Variants in FAT3 observed in about 807,000 individuals in gnomAD.
The protein encoded by FAT3 is protocadherin Fat 3.
FAT3 carries 95 observed loss-of-function variants against 310.2 expected under a neutral mutation model. The ratio of observed to expected loss-of-function variants is 0.31; its 90% CI spans 0.26 to 0.36. The LOEUF (loss-of-function observed/expected upper bound fraction) is 0.36. Ranked by LOEUF, FAT3 falls within the 10% of genes least tolerant of loss-of-function variation. The pLI is 1.00. For missense variants in FAT3, 5,408 were observed against 5,715.6 expected (o/e 0.95, Z 1.74); for synonymous variants, 2,314 against 2,192.9 (o/e 1.06, Z -1.54).
In FAT3 at chr11:92,799,513, C is replaced by A; in HGVS notation, c.6500C>A (p.Ser2167Tyr). 6.2e-7 allele frequency: 1 copy of A among 1,613,720 alleles called. No individual in the cohort carries two copies. Among genetic ancestry groups the A allele is most frequent in the Non-Finnish European group, 8.5e-7 (1 of 1,179,806 alleles). Reference sequence around the variant, plus strand: ...CTAGCCAAGGATGGCGGAAAACCTTCTTTGTCTACATCTGTGGAGCTTCCC... The same window carrying A: ...CTAGCCAAGGATGGCGGAAAACCTTATTTGTCTACATCTGTGGAGCTTCCC... ...TILAKDGGKP[S>Y]LSTSVELPIT... is the part of the protein sequence containing the mutation. Residue 2167 changes from serine to tyrosine, a missense_variant, in exon 10 of 28, where the codon TCT becomes TAT. This residue lies in a region of FAT3 where 4,588 missense variants were observed against 4,809.8 expected (regional missense o/e 0.95). Coordinates refer to ENST00000525166, the MANE Select transcript of FAT3 (RefSeq NM_001367949.2).
intron 3 of FAT3, among the ~76,000 whole-genome samples, chr11:92,663,016 G>C (rs921401239): frequency 2.0e-5 from 3 of 152,192 alleles, no homozygotes; most frequent in African/African-American, 7.2e-5. Flanking sequence ...TAGGAAGACT[G>C]TGATGGGGTA....
chr11:92,620,999 G>A (rs2135667627), intron 3 of FAT3, among the ~76,000 whole-genome samples: 1 of 152,228 alleles, frequency 6.6e-6, no homozygotes, highest in Non-Finnish European at 1.5e-5. Flanking sequence ...ATCCCATCAT[G>A]CAGGCTCCAC....
intron 10 of FAT3, 50 bp from the exon 11 acceptor site, chr11:92,805,103 A>G (rs1947466381): frequency 6.3e-7 from 1 of 1,575,974 alleles, no homozygotes; most frequent in Non-Finnish European, 8.6e-7. Context: ...ATGTAGATTA[A>G]GACATTTCAT....
intron 1 of FAT3, among the ~76,000 whole-genome samples, chr11:92,321,707 T>A (rs1023131414): frequency 1.3e-5 from 2 of 152,302 alleles, no homozygotes; most frequent in South Asian, 4.1e-4. Context: ...CCTGACTTTG[T>A]GGTTTTGTGT....
Position 92,801,116 on chromosome 11 carries a change from T to C in FAT3, c.8103T>C (p.Pro2701=), listed in dbSNP as rs767572662. ...CTGTCTATATCCACGTCTTGCCCCC[T>C]GAAACGTTCTTGCCATCATTCACCC... ...LIPVYIHVLP[P]ETFLPSFTQS... The change falls in exon 10 of 28, where the codon CCT becomes CCC. Residue 2701 remains proline (P), a synonymous_variant. Coordinates refer to ENST00000525166, the MANE Select transcript of FAT3 (RefSeq NM_001367949.2). 3 of 1,613,994 alleles carry C rather than the reference T, an allele frequency of 1.9e-6. 1 individual carries two copies. In the Admixed American group the frequency reaches 5.0e-5, roughly 27 times the overall value.
At chr11:92,249,404 T>C (rs1355975575) in intron 1 of FAT3, among the ~76,000 whole-genome samples, 1 of 152,166 alleles carries the variant, frequency 6.6e-6, no homozygotes, top group Non-Finnish European at 1.5e-5. Flanking sequence ...TTTATCAGAA[T>C]TGGAGGTCTT....
intron 8 of FAT3, among the ~76,000 whole-genome samples, chr11:92,791,197 C>T (rs1947032108): frequency 6.6e-6 from 1 of 152,126 alleles, no homozygotes; most frequent in Non-Finnish European, 1.5e-5. Context: ...ATCACTATGG[C>T]CCTTCATTCA....
chr11:92,516,096 C>T (rs938188978), intron 2 of FAT3, among the ~76,000 whole-genome samples: 1 of 152,062 alleles, frequency 6.6e-6, no homozygotes, highest in African/African-American at 2.4e-5. Context: ...TGAAATTATT[C>T]CAAACAATAG....
At chr11:92,377,874 A>G (rs980257543) in intron 2 of FAT3, among the ~76,000 whole-genome samples, 2 of 152,180 alleles carry the variant, frequency 1.3e-5, no homozygotes, top group Admixed American at 6.6e-5. Flanking sequence ...TAGATGAGGA[A>G]GACACGTTTT....
chr11:92,343,481 A>G (rs1393747900), intron 1 of FAT3, among the ~76,000 whole-genome samples: 1 of 152,140 alleles, frequency 6.6e-6, no homozygotes, highest in Non-Finnish European at 1.5e-5. Context: ...TTGGTTTTGT[A>G]TTTCAGGATA....
At chr11:92,273,238 G>A (rs1196677464) in intron 1 of FAT3, among the ~76,000 whole-genome samples, 1 of 151,966 alleles carries the variant, frequency 6.6e-6, no homozygotes. Flanking sequence ...TCTGTTTCTG[G>A]GGAACTTGTA....
chr11:92,239,615 A>C (rs1019794697), intron 1 of FAT3, among the ~76,000 whole-genome samples: 2 of 151,914 alleles, frequency 1.3e-5, no homozygotes, highest in African/African-American at 4.8e-5. Context: ...ATGTCATGTT[A>C]CTCCTGGGAA....
At chr11:92,515,196 A>G (rs546498487) in intron 2 of FAT3, among the ~76,000 whole-genome samples, 2 of 152,270 alleles carry the variant, frequency 1.3e-5, no homozygotes, top group South Asian at 4.1e-4. Context: ...GAACAGATAG[A>G]TGGAAGGAGA....
chr11:92,237,896 G>C (rs952031263), intron 1 of FAT3, among the ~76,000 whole-genome samples: 2 of 152,174 alleles, frequency 1.3e-5, no homozygotes, highest in Non-Finnish European at 2.9e-5. Flanking sequence ...TGGGAATGTG[G>C]TGTGGGGAAA....
At chr11:92,884,026 G>A (rs983020657) in intron 24 of FAT3, among the ~76,000 whole-genome samples, 3 of 152,122 alleles carry the variant, frequency 2.0e-5, no homozygotes, top group African/African-American at 7.2e-5. Context: ...CATGAAACAA[G>A]AGGGGGATCC....
rs374021850 is a variant in FAT3 at position 92,315,512 on chromosome 11, TAGAGAGAGAGAG to T, written c.-17-36552_-17-36541del. Among the ~76,000 whole-genome samples, 65 of 56,170 alleles carry T rather than the reference TAGAGAGAGAGAG, an allele frequency of 1.2e-3. 1 individual carries two copies. Among genetic ancestry groups the T allele is most frequent in the South Asian group, 1.9e-3 (2 of 1,030 alleles). The allele number at this position is 56,170 out of a possible 152,430, so 36.8% of individuals were successfully genotyped here. A position where few individuals can be genotyped will look rare whatever the true frequency, so the allele number is the denominator to read the frequency against. On this transcript the variant is annotated intron_variant, in intron 1 of 27. Transcript: ENST00000525166. ...ATATATATATATATATATATATATA[TAGAGAGAGAGAG>T]AGAGAGAGAGAGAGAGAGAGAGAGA...
chr11:92,361,681 T>A (rs77977936), intron 2 of FAT3, among the ~76,000 whole-genome samples: 9 of 152,132 alleles, frequency 5.9e-5, no homozygotes, highest in Admixed American at 3.3e-4. Context: ...TTTTTTTTTT[T>A]ATAGCAACTT....
chr11:92,367,678 T>C (rs770473089), intron 2 of FAT3, among the ~76,000 whole-genome samples: 7 of 152,074 alleles, frequency 4.6e-5, no homozygotes, highest in Non-Finnish European at 8.8e-5. Context: ...CAGAAAAGCA[T>C]GTAATCTAAT....
intron 2 of FAT3, among the ~76,000 whole-genome samples, chr11:92,467,716 G>A (rs1477076174): frequency 6.6e-6 from 1 of 152,160 alleles, no homozygotes; most frequent in Non-Finnish European, 1.5e-5. Flanking sequence ...GATGGGTGTT[G>A]CTGAGGGCTG....
Sources: gnomAD v4.1 joint callset for allele counts (sites outside exome capture counted in the v4.1 genomes callset) on GRCh38, gnomAD v4.1.1 for gene constraint, gnomAD v4.1.1 regional missense constraint, MANE v1.5 for transcripts, NCBI Gene and HGNC (gene_info 2026-07-23, HGNC 2026-07-21) for gene names.